The following DNAH6 variants were observed in gnomAD, a reference collection of about 807,000 sequenced individuals.
The protein encoded by DNAH6 is axonemal beta dynein heavy chain 6.
Under a neutral mutation model 491.4 loss-of-function variants are expected in DNAH6, and 340 were observed. That is an observed-to-expected ratio of 0.69 (90% confidence interval 0.63 to 0.76). The LOEUF (loss-of-function observed/expected upper bound fraction) is 0.76. Among genes scored for constraint, DNAH6 ranks in the 30% least tolerant of loss-of-function variants. The pLI is 0.00. For missense variants in DNAH6, 4,443 were observed against 4,972.2 expected, an observed-to-expected ratio of 0.89 and a Z score of 3.20; for synonymous variants, 1,603 against 1,686.1, an observed-to-expected ratio of 0.95 and a Z score of 1.21.
At chr2:84,562,238 A>T (rs1243454927) in intron 11 of DNAH6, among the ~76,000 whole-genome samples, 1 of 152,164 alleles carries the variant, frequency 6.6e-6, no homozygotes, top group African/African-American at 2.4e-5. Flanking sequence ...TAAAAAATAT[A>T]TCGTCACTCA....
chr2:84,518,482 C>T (rs1438299304), intron 2 of DNAH6, among the ~76,000 whole-genome samples: 1 of 152,074 alleles, frequency 6.6e-6, no homozygotes, highest in Non-Finnish European at 1.5e-5. Context: ...TTTTTAGAAA[C>T]CATTTATGCC....
In DNAH6 at chr2:84,804,980, AT is replaced by A. The variant is rs113529135; in HGVS notation, c.11482-672del. Among the ~76,000 whole-genome samples the A allele has an allele frequency of 2.0e-3, 292 of 145,254 alleles. 1 individual carries two copies. The highest frequency in any genetic ancestry group is 1.6e-3 in the Non-Finnish European group (106 of 65,726). On this transcript the variant is annotated intron_variant, in intron 70 of 76. Transcript: ENST00000389394. The stretch of plus-strand genomic sequence containing the variant: ...AGGTATACACCACCACACCCAGCTA[AT>A]TTTTTTTTTTTTATAGGGACAGAGT...
chr2:84,733,622 G>C (rs1475277248), intron 62 of DNAH6, 43 bp downstream of exon 62: 4 of 1,516,386 alleles, frequency 2.6e-6, no homozygotes, highest in Non-Finnish European at 2.7e-6. Flanking sequence ...TTATAAACAG[G>C]CTCTTGAATC....
intron 56 of DNAH6, among the ~76,000 whole-genome samples, chr2:84,712,084 G>A (rs1312162049): frequency 6.6e-6 from 1 of 152,200 alleles, no homozygotes; most frequent in Non-Finnish European, 1.5e-5. Flanking sequence ...CCAACTCTCT[G>A]TGTCTTGGGG....
rs1677015169 is a variant in DNAH6 at position 84,784,734 on chromosome 2, A to G, written c.10877A>G (p.Lys3626Arg). 1 of 1,549,056 alleles carries G rather than the reference A, an allele frequency of 6.5e-7. No individual in the cohort carries two copies. The highest frequency in any genetic ancestry group is 2.0e-5 in the Admixed American group (1 of 50,970). Residue 3626 changes from lysine (K) to arginine (R), a missense_variant, in exon 66 of 77, where the codon AAG becomes AGG. Transcript: ENST00000389394. ...TTGTTTTAAGCAGATAGTGCTATCA[A>G]GGACACTTTTCGACTTTTTTTAAGC... ...KTFTDPDSAI[K>R]DTFRLFLSSM...
chr2:84,725,792 T>A (rs1698569632), intron 60 of DNAH6, among the ~76,000 whole-genome samples: 1 of 152,152 alleles, frequency 6.6e-6, no homozygotes, highest in South Asian at 2.1e-4. Flanking sequence ...ACAGTGAAAT[T>A]CTTTAGAGAA....
At chr2:84,608,179 G>A (rs996415167) in intron 21 of DNAH6, among the ~76,000 whole-genome samples, 1 of 136,246 alleles carries the variant, frequency 7.3e-6, no homozygotes, top group African/African-American at 2.6e-5. Context: ...TCTAATTCTA[G>A]TTCTCTTGCT....
At chr2:84,745,016 CATT>C (rs1353047307) in intron 62 of DNAH6, 61 bp from the exon 63 acceptor site, 18 of 1,096,512 alleles carry the variant, frequency 1.6e-5, no homozygotes, top group Non-Finnish European at 2.1e-5. Flanking sequence ...AATTACCAAA[CATT>C]ATTTAATTTC....
At chr2:84,650,031 A>G (rs897034169) in intron 33 of DNAH6, among the ~76,000 whole-genome samples, 26 of 152,136 alleles carry the variant, frequency 1.7e-4, no homozygotes, top group Admixed American at 9.8e-4. Context: ...CCCTGTTCAT[A>G]AGGTGTCATT....
chr2:84,751,893 C>T lies in DNAH6; in HGVS notation c.10512+6644C>T, dbSNP rs987394430. Among the ~76,000 whole-genome samples the T allele has an allele frequency of 1.3e-4, 20 of 152,188 alleles. 1 individual carries two copies. Among genetic ancestry groups the T allele is most frequent in the Admixed American group, 2.0e-4 (3 of 15,286 alleles). The stretch of plus-strand genomic sequence containing the variant: ...AAGTTACCACGTGATGCTAATGCTG[C>T]GGATTTTGCAAACATACTTTGAGAA... On this transcript the variant is annotated intron_variant, in intron 63 of 76. Transcript: ENST00000389394.
chr2:84,710,583 G>A (rs577483914), intron 56 of DNAH6, among the ~76,000 whole-genome samples, 171 bp downstream of exon 56: 1 of 152,266 alleles, frequency 6.6e-6, no homozygotes, highest in Non-Finnish European at 1.5e-5. Context: ...TTGCAAGAGG[G>A]GTGGGAGGGA....
At chr2:84,751,024 C>CAGT (rs1415395895) in intron 63 of DNAH6, 1 of 152,226 alleles carries the variant, frequency 6.6e-6, no homozygotes, top group Admixed American at 6.5e-5. Context: ...AGACCAAGGA[C>CAGT]AGTATCACCT....
chr2:84,630,800 A>G (rs957358153), intron 29 of DNAH6, among the ~76,000 whole-genome samples: 20 of 152,338 alleles, frequency 1.3e-4, no homozygotes, highest in African/African-American at 4.8e-4. Flanking sequence ...TATGTGTTAC[A>G]GAGTTTATTG....
Position 84,745,216 on chromosome 2 carries a change from G to C in DNAH6, c.10479G>C (p.Lys3493Asn), listed in dbSNP as rs1672852368. 6.6e-7 allele frequency: 1 copy of C among 1,524,068 alleles called. No homozygotes were observed. Among genetic ancestry groups the C allele is most frequent in the African/African-American group, 1.4e-5 (1 of 71,596 alleles). 94.4% of individuals were successfully genotyped at this position (1,524,068 alleles called of 1,614,324 possible). ...PWSAGLSSFH[K>N]LILIKCCKEE... ...GTGCAGGATTGAGTTCTTTCCATAA[G>C]CTAATTCTTATTAAATGTTGTAAAG... The change falls in exon 63 of 77, where the codon AAG becomes AAC. Residue 3493 changes from lysine (K) to asparagine (N), a missense_variant. Lys to Asn is a moderately conservative substitution (Grantham distance 94, BLOSUM62 0). Coordinates refer to ENST00000389394, the MANE Select transcript of DNAH6 (RefSeq NM_001370.2).
chr2:84,542,630 C>T (rs1678369217), intron 4 of DNAH6, among the ~76,000 whole-genome samples: 1 of 152,050 alleles, frequency 6.6e-6, no homozygotes, highest in Non-Finnish European at 1.5e-5. Context: ...TTTGGGTTTG[C>T]TTTCATTCTG....
At chr2:84,793,622 T>C (rs964178779) in intron 68 of DNAH6, among the ~76,000 whole-genome samples, 2 of 152,218 alleles carry the variant, frequency 1.3e-5, no homozygotes, top group African/African-American at 4.8e-5. Context: ...CCCAACTTTA[T>C]GTTCCAAGAT....
chr2:84,533,737 G>T (rs1250818843), intron 4 of DNAH6, among the ~76,000 whole-genome samples: 2 of 152,112 alleles, frequency 1.3e-5, no homozygotes, highest in African/African-American at 4.8e-5. Context: ...TTTCTAAATT[G>T]AAACACTCAG....
chr2:84,668,180 G>T (rs1395538040), intron 37 of DNAH6, among the ~76,000 whole-genome samples: 1 of 152,184 alleles, frequency 6.6e-6, no homozygotes, highest in Admixed American at 6.5e-5. Context: ...CATGGCACAT[G>T]TATACATACG....
chr2:84,688,389 A>T (rs1694496819), intron 44 of DNAH6, 50 bp from the exon 45 acceptor site: 1 of 1,405,096 alleles, frequency 7.1e-7, no homozygotes, highest in East Asian at 2.8e-5. Context: ...TTTCCAGGTT[A>T]TGTGTCTATC....
Sources: gnomAD v4.1 joint callset for allele counts (sites outside exome capture counted in the v4.1 genomes callset) on GRCh38, gnomAD v4.1.1 for gene constraint, MANE v1.5 for transcripts, NCBI Gene and HGNC (gene_info 2026-07-23, HGNC 2026-07-21) for gene names.